The following ADK variants were observed in gnomAD, a reference collection of about 807,000 sequenced individuals.
ADK encodes N6,N6-dimethyladenosine kinase.
ADK carries 24 observed loss-of-function variants against 44.7 expected under a neutral mutation model. The ratio of observed to expected loss-of-function variants is 0.54; its 90% CI spans 0.39 to 0.76. ADK has a LOEUF of 0.76. Among genes scored for constraint, ADK ranks in the 30% least tolerant of loss-of-function variants. ADK has a pLI of 0.00. For missense variants in ADK, 321 were observed against 425.1 expected (o/e 0.76, Z 2.15); for synonymous variants, 128 against 142.6 (o/e 0.90, Z 0.73).
chr10:74,356,460 A>G (rs1240611519), intron 4 of ADK, among the ~76,000 whole-genome samples: 1 of 152,228 alleles, frequency 6.6e-6, no homozygotes, highest in African/African-American at 2.4e-5. Context: ...TAGATTAATT[A>G]GAATAAATGA....
chr10:74,698,476 A>C (rs1293653512), intron 10 of ADK, among the ~76,000 whole-genome samples: 1 of 152,256 alleles, frequency 6.6e-6, no homozygotes, highest in Non-Finnish European at 1.5e-5. Flanking sequence ...ACATACATTC[A>C]AAGTCAGTTA....
intron 1 of ADK, among the ~76,000 whole-genome samples, chr10:74,191,820 A>G (rs1039264589): frequency 1.3e-5 from 2 of 152,186 alleles, no homozygotes; most frequent in African/African-American, 4.8e-5. Flanking sequence ...GTGGTGGTGT[A>G]TAGTTCTATA....
intron 9 of ADK, among the ~76,000 whole-genome samples, chr10:74,642,641 C>A (rs1203975043): frequency 6.6e-6 from 1 of 151,852 alleles, no homozygotes; most frequent in Admixed American, 6.6e-5. Context: ...AAAATTATCC[C>A]CAGAGATAAC....
At chr10:74,250,432 C>G (rs1023361645) in intron 3 of ADK, among the ~76,000 whole-genome samples, 2 of 152,108 alleles carry the variant, frequency 1.3e-5, no homozygotes, top group Non-Finnish European at 2.9e-5. Flanking sequence ...GGGTAAAACA[C>G]TGGGTATGTC....
At chr10:74,457,399 G>A (rs557629228) in intron 6 of ADK, among the ~76,000 whole-genome samples, 3 of 152,312 alleles carry the variant, frequency 2.0e-5, no homozygotes, top group Admixed American at 2.0e-4. Context: ...TCTATCAGAG[G>A]TACAAAGAGG....
At chr10:74,582,673 G>A (rs536088261) in intron 7 of ADK, among the ~76,000 whole-genome samples, 8 of 152,088 alleles carry the variant, frequency 5.3e-5, no homozygotes, top group Middle Eastern at 3.4e-3. Flanking sequence ...GTTTATTGAG[G>A]TATAATTTAT....
chr10:74,680,879 G>A (rs138972426), intron 10 of ADK, among the ~76,000 whole-genome samples: 13 of 152,182 alleles, frequency 8.5e-5, no homozygotes, highest in South Asian at 2.1e-4. Flanking sequence ...TCCAATTAAC[G>A]TTGACATTTT....
chr10:74,224,735 C>T, intron 3 of ADK, 144 bp downstream of exon 3: 1 of 706,484 alleles, frequency 1.4e-6, no homozygotes, highest in Admixed American at 2.1e-5. Flanking sequence ...ATTATGATAA[C>T]CTACACTATA....
intron 6 of ADK, among the ~76,000 whole-genome samples, chr10:74,432,342 G>T (rs1845030769): frequency 6.6e-6 from 1 of 152,124 alleles, no homozygotes; most frequent in Non-Finnish European, 1.5e-5. Context: ...TGGTTTGATG[G>T]TTGGCTAAAA....
intron 3 of ADK, among the ~76,000 whole-genome samples, chr10:74,229,391 CTTTTTTT>C (rs371346131): frequency 1.0e-5 from 1 of 97,236 alleles, no homozygotes; most frequent in African/African-American, 4.3e-5. Context: ...ATCTGGTATG[CTTTTTTT>C]TTTTTTTTTT....
intron 3 of ADK, among the ~76,000 whole-genome samples, chr10:74,229,408 T>A (rs1212083694): frequency 6.8e-6 from 1 of 148,070 alleles, no homozygotes; most frequent in African/African-American, 2.5e-5. Context: ...TTTTTTTTTT[T>A]TTTTGGTGAG....
At chr10:74,569,993 G>T (rs1241341229) in intron 7 of ADK, among the ~76,000 whole-genome samples, 1 of 152,012 alleles carries the variant, frequency 6.6e-6, no homozygotes, top group Non-Finnish European at 1.5e-5. Context: ...TCTACTTATG[G>T]CTAGCCAGTT....
intron 6 of ADK, among the ~76,000 whole-genome samples, chr10:74,436,284 G>A (rs1845175399): frequency 6.6e-6 from 1 of 152,168 alleles, no homozygotes; most frequent in Non-Finnish European, 1.5e-5. Context: ...TTAAATGCTT[G>A]TAGTCCTAGC....
chr10:74,559,673 G>C (rs1213603980), intron 7 of ADK, among the ~76,000 whole-genome samples: 2 of 152,032 alleles, frequency 1.3e-5, no homozygotes, highest in African/African-American at 4.8e-5. Flanking sequence ...TTTAAGCTTT[G>C]CCAAACTGAT....
intron 1 of ADK, chr10:74,176,916 C>G (rs747897765): frequency 6.2e-7 from 1 of 1,609,236 alleles, no homozygotes; most frequent in Non-Finnish European, 8.5e-7. Flanking sequence ...CTTGACTGCT[C>G]CGAGCTGGGC....
At chr10:74,491,409 T>C (rs1375839767) in intron 6 of ADK, among the ~76,000 whole-genome samples, 1 of 152,170 alleles carries the variant, frequency 6.6e-6, no homozygotes. Flanking sequence ...TGTTCGGCTT[T>C]AATTTTTATT....
chr10:74,640,417 T>C (rs1262621958), intron 9 of ADK, among the ~76,000 whole-genome samples: 1 of 152,248 alleles, frequency 6.6e-6, no homozygotes, highest in African/African-American at 2.4e-5. Context: ...TTGTGTGGAA[T>C]GAGTAAGCTG....
intron 6 of ADK, among the ~76,000 whole-genome samples, chr10:74,431,740 C>CCAAT (rs3037403): frequency 0.61 from 91,748 of 150,398 alleles, 30,344 homozygotes; most frequent in Middle Eastern, 0.79. Flanking sequence ...GACTCTGTCT[C>CCAAT]CAATCAATCA....
At chr10:74,668,738 GA>G (rs550311789) in intron 9 of ADK, among the ~76,000 whole-genome samples, 1 of 151,776 alleles carries the variant, frequency 6.6e-6, no homozygotes, top group South Asian at 2.1e-4. Flanking sequence ...CCGTCTCAAA[GA>G]AAAAAAGTTT....
Sources: allele counts gnomAD v4.1 joint callset (sites outside exome capture counted in the v4.1 genomes callset), GRCh38; gene constraint gnomAD v4.1.1; transcripts MANE v1.5; gene names NCBI Gene and HGNC (gene_info 2026-07-23, HGNC 2026-07-21).